Variants in RBM39 observed in about 807,000 individuals in gnomAD.
The protein encoded by RBM39 is RNA binding motif protein 39.
Under a neutral mutation model 79.6 loss-of-function variants are expected in RBM39, and 12 were observed. That is an observed-to-expected ratio of 0.15 (90% CI 0.10 to 0.24). The LOEUF (loss-of-function observed/expected upper bound fraction) is 0.24. RBM39 is among the 10% of genes least tolerant of loss of function. The pLI is 1.00. For missense variants in RBM39, 243 were observed against 653.4 expected (o/e 0.37, Z 6.85); for synonymous variants, 185 against 208.4 (o/e 0.89, Z 0.97).
At chr20:35,728,577 G>A (rs768997449) in intron 6 of RBM39, among the ~76,000 whole-genome samples, 1 of 152,154 alleles carries the variant, frequency 6.6e-6, no homozygotes, top group Non-Finnish European at 1.5e-5. Context: ...AGGAGTTCAA[G>A]ACCAGCCTGA....
chr20:35,733,909 T>G (rs2039641600), intron 3 of RBM39, among the ~76,000 whole-genome samples: 1 of 152,344 alleles, frequency 6.6e-6, no homozygotes, highest in African/African-American at 2.4e-5. Context: ...TTATAATCTA[T>G]ACCTCTGTGT....
chr20:35,734,895 T>C, intron 3 of RBM39: 2 of 1,556,930 alleles, frequency 1.3e-6, no homozygotes, highest in Non-Finnish European at 8.6e-7. Flanking sequence ...CTGTTACAAC[T>C]TAAAAGGGAC....
chr20:35,738,879 T>C (rs990933033), intron 3 of RBM39, 89 bp downstream of exon 3: 12 of 1,166,518 alleles, frequency 1.0e-5, no homozygotes, highest in South Asian at 4.2e-5. Context: ...GAAGAGAATT[T>C]TGTATACTTT....
At chr20:35,740,965 A>G (rs1239503990) in intron 1 of RBM39, 78 bp from the exon 2 acceptor site, 15 of 914,388 alleles carry the variant, frequency 1.6e-5, no homozygotes, top group Non-Finnish European at 2.3e-5. Context: ...TGTTGCCTAT[A>G]TCGTCTAACA....
intron 9 of RBM39, among the ~76,000 whole-genome samples, chr20:35,720,880 G>A (rs2037842782): frequency 6.6e-6 from 1 of 152,178 alleles, no homozygotes; most frequent in African/African-American, 2.4e-5. Flanking sequence ...TCAACAGACA[G>A]AAAAAGGGCA....
At chr20:35,716,923 T>C in intron 9 of RBM39, 118 bp from the exon 10 acceptor site, 3 of 620,812 alleles carry the variant, frequency 4.8e-6, no homozygotes, top group East Asian at 3.0e-5. Flanking sequence ...AGAAGACTTA[T>C]CACAAAACCT....
At chr20:35,741,024 ATTTTTCTT>A (rs1189602118) in intron 1 of RBM39, 137 bp from the exon 2 acceptor site, 14 of 78,070 alleles carry the variant, frequency 1.8e-4, no homozygotes, top group Non-Finnish European at 3.4e-4. Context: ...GTGAGTAAAC[ATTTTTCTT>A]TTTTTTTTTT....
intron 1 of RBM39, 47 bp from the exon 2 acceptor site, chr20:35,740,934 A>G (rs925511643): frequency 2.5e-5 from 35 of 1,419,434 alleles, no homozygotes; most frequent in Admixed American, 1.5e-4. Flanking sequence ...TTCTCTTACA[A>G]TGTGAAACAA....
intron 1 of RBM39, 143 bp from the exon 2 acceptor site, chr20:35,741,030 C>CTTTTTTATTTTTTTTTTTTTTTTTTT (rs2040449629): frequency 8.4e-6 from 1 of 118,628 alleles, no homozygotes; most frequent in African/African-American, 5.2e-5. Context: ...AAACATTTTT[C>CTTTTTTATTTTTTTTTTTTTTTTTTT]TTTTTTTTTT....
rs2035310497 is a variant in RBM39, at chr20:35,702,091, A to G, written c.*2390T>C. On this transcript the variant is annotated 3_prime_UTR_variant, in exon 17 of 17. Coordinates refer to ENST00000253363, the MANE Select transcript of RBM39 (RefSeq NM_184234.3). Reference sequence around the variant, plus strand: ...TTGATGATAAAAAGCTTCTGTAATGAGGCAGTTGTCCATCTCACCTGCCCA... The same window carrying G: ...TTGATGATAAAAAGCTTCTGTAATGGGGCAGTTGTCCATCTCACCTGCCCA... 6.6e-6 allele frequency: 1 copy of G among 152,230 alleles called. No homozygotes were observed. 9.4% of individuals were successfully genotyped at this position (152,230 alleles called of 1,614,324 possible). A position where few individuals can be genotyped will look rare whatever the true frequency, so the allele number is the denominator to read the frequency against.
intron 14 of RBM39, among the ~76,000 whole-genome samples, chr20:35,705,863 T>G (rs572792064): frequency 9.2e-5 from 14 of 151,908 alleles, no homozygotes; most frequent in Admixed American, 2.0e-4. Flanking sequence ...AAAATATTGA[T>G]CCCATCCTAC....
chr20:35,718,283 A>AAAACAAAAC (rs998940269), intron 9 of RBM39, among the ~76,000 whole-genome samples: 6 of 98,180 alleles, frequency 6.1e-5, no homozygotes, highest in African/African-American at 3.1e-4. Context: ...AAAACAAAAC[A>AAAACAAAAC]AAAAAAAAAC....
chr20:35,716,098 C>T (rs1197157098), intron 10 of RBM39, among the ~76,000 whole-genome samples: 2 of 151,682 alleles, frequency 1.3e-5, no homozygotes, highest in Non-Finnish European at 2.9e-5. Flanking sequence ...CAGAGTCTTA[C>T]TCTGTTGCCC....
intron 3 of RBM39, among the ~76,000 whole-genome samples, chr20:35,736,883 C>T (rs1238609658): frequency 1.3e-5 from 2 of 150,598 alleles, no homozygotes; most frequent in African/African-American, 4.9e-5. Flanking sequence ...GATCTCCTGA[C>T]CTTGTGATCC....
rs758841301 is a variant in RBM39 at position 35,714,398 on chromosome 20, T to G, written c.892-9A>C. 1.2e-6 allele frequency: 2 copies of G among 1,613,158 alleles called. No individual in the cohort carries two copies. Among genetic ancestry groups the G allele is most frequent in the African/African-American group, 1.3e-5 (1 of 74,892 alleles). The stretch of plus-strand genomic sequence containing the variant: ...CATTCTGAGTCAGAAAACTACATGA[T>G]AGGGGAGGCAAGGACAGGAGACAGT... On this transcript the variant is annotated splice_polypyrimidine_tract_variant and intron_variant, in intron 10 of 16. Coordinates refer to ENST00000253363, the MANE Select transcript of RBM39 (RefSeq NM_184234.3).
intron 9 of RBM39, among the ~76,000 whole-genome samples, chr20:35,720,546 G>A (rs1047276673): frequency 6.6e-6 from 1 of 151,050 alleles, no homozygotes; most frequent in Non-Finnish European, 1.5e-5. Flanking sequence ...GGCCGAAGCA[G>A]ATCACCTGAG....
At chr20:35,714,975 CTA>C (rs1374714774) in intron 10 of RBM39, among the ~76,000 whole-genome samples, 3 of 152,176 alleles carry the variant, frequency 2.0e-5, no homozygotes, top group African/African-American at 7.2e-5. Context: ...AATTGGTGAG[CTA>C]TGTTTCATAA....
chr20:35,714,034 A>G, intron 11 of RBM39, 151 bp downstream of exon 11: 1 of 704,282 alleles, frequency 1.4e-6, no homozygotes, highest in Non-Finnish European at 2.3e-6. Context: ...TACAAGGCAC[A>G]TCATCTATAA....
intron 4 of RBM39, among the ~76,000 whole-genome samples, chr20:35,730,403 G>GTT (rs1339055511): frequency 6.6e-6 from 1 of 152,116 alleles, no homozygotes; most frequent in Non-Finnish European, 1.5e-5. Context: ...ATTTGAATTA[G>GTT]TTTTCATGAA....
Sources: gnomAD v4.1 joint callset for allele counts (sites outside exome capture counted in the v4.1 genomes callset) on GRCh38, gnomAD v4.1.1 for gene constraint, MANE v1.5 for transcripts, NCBI Gene and HGNC (gene_info 2026-07-23, HGNC 2026-07-21) for gene names.